Variants in PLEKHG1 observed in about 807,000 individuals in gnomAD.
The protein encoded by PLEKHG1 is pleckstrin homology domain-containing family G member 1.
In PLEKHG1, 44 loss-of-function variants were observed where a neutral mutation model predicts 100.8. The ratio of observed to expected loss-of-function variants is 0.44; its 90% CI spans 0.34 to 0.56. PLEKHG1 has a LOEUF of 0.56. Ranked by LOEUF, PLEKHG1 falls within the 20% of genes least tolerant of loss-of-function variation. PLEKHG1 has a pLI of 0.01. For missense variants in PLEKHG1, 1,545 were observed against 1,720.9 expected, an observed-to-expected ratio of 0.90 and a Z score of 1.81; for synonymous variants, 640 against 662.5, an observed-to-expected ratio of 0.97 and a Z score of 0.52.
exon 16 of PLEKHG1, chr6:150,840,103 A>T (rs1777441744): frequency 6.2e-7 from 1 of 1,614,120 alleles, no homozygotes; most frequent in African/African-American, 1.3e-5. Context: ...ACTCCCAGGC[A>T]ATTGTCCGCA....
intron 2 of PLEKHG1, among the ~76,000 whole-genome samples, chr6:150,759,373 G>T (rs1166362331): frequency 6.6e-6 from 1 of 152,144 alleles, no homozygotes; most frequent in Admixed American, 6.5e-5. Context: ...GCTGTTTTTG[G>T]TTGGCTCCTA....
chr6:150,832,326 A>G, intron 15 of PLEKHG1, 121 bp downstream of exon 16: 1 of 765,426 alleles, frequency 1.3e-6, no homozygotes, highest in East Asian at 2.6e-5. Flanking sequence ...TTGTCATCTC[A>G]AAGTAAGACC....
At chr6:150,613,252 AAAG>A (rs1228352914) in intron 1 of PLEKHG1, among the ~76,000 whole-genome samples, 1 of 152,222 alleles carries the variant, frequency 6.6e-6, no homozygotes, top group African/African-American at 2.4e-5. Context: ...TCCCCTTATC[AAAG>A]AAGTCCTACT....
intron 6 of PLEKHG1, among the ~76,000 whole-genome samples, chr6:150,801,523 C>A (rs796082254): frequency 2.0e-5 from 3 of 150,958 alleles, no homozygotes; most frequent in African/African-American, 7.3e-5. Flanking sequence ...CTGCAACCTC[C>A]GCCTCCTGGG....
intron 3 of PLEKHG1, among the ~76,000 whole-genome samples, chr6:150,714,039 A>T (rs1237080008): frequency 6.6e-6 from 1 of 152,222 alleles, no homozygotes; most frequent in Non-Finnish European, 1.5e-5. Flanking sequence ...TACATTTTTT[A>T]GAGTGTTTCA....
intron 3 of PLEKHG1, among the ~76,000 whole-genome samples, chr6:150,673,258 A>G (rs9478778): frequency 0.085 from 12,868 of 152,236 alleles, 592 homozygotes; most frequent in Admixed American, 0.1. Context: ...CTTCCTTCTA[A>G]TAAAAGATTT....
chr6:150,830,836 A>G (rs747419938), exon 15 of PLEKHG1: 7 of 1,614,052 alleles, frequency 4.3e-6, no homozygotes, highest in Non-Finnish European at 5.9e-6. Context: ...ACTCTACCAG[A>G]CTATGTGAAG....
At chr6:150,790,128 C>A (rs1785883630) in intron 4 of PLEKHG1, among the ~76,000 whole-genome samples, 1 of 152,276 alleles carries the variant, frequency 6.6e-6, no homozygotes, top group Admixed American at 6.5e-5. Flanking sequence ...TCAAGCAATT[C>A]TCCTGCCTCC....
chr6:150,800,722 C>T lies in PLEKHG1; in HGVS notation c.633C>T (p.Ser211=), dbSNP rs140935546. The change falls in exon 6 of 16, where the codon TCC becomes TCT. Residue 211 remains serine (S), a synonymous_variant. Coordinates refer to ENST00000358517, the Ensembl canonical transcript of PLEKHG1. Reference sequence around the variant, plus strand: ...AAAACATGGACTCTTCCTGCAGGTCCGTGGCTGTGCTAACAGAGTGTATGA... The same window carrying T: ...AAAACATGGACTCTTCCTGCAGGTCTGTGGCTGTGCTAACAGAGTGTATGA... The T allele has an allele frequency of 9.8e-4, 1,579 of 1,613,464 alleles. 14 individuals are homozygous for T. In the African/African-American group the frequency reaches 0.015, roughly 15 times the overall value.
chr6:150,673,735 A>G (rs1275115875), intron 3 of PLEKHG1, among the ~76,000 whole-genome samples: 1 of 150,892 alleles, frequency 6.6e-6, no homozygotes, highest in East Asian at 1.9e-4. Context: ...ATCACGACTC[A>G]CTGCAGCCTC....
At position 150,811,041 on chromosome 6, in the gene PLEKHG1, A is replaced by G. The variant is rs117512021; in HGVS notation, c.1278+1307A>G. Among the ~76,000 whole-genome samples, 1,446 of 152,286 alleles carry G rather than the reference A, an allele frequency of 9.5e-3. 10 individuals are homozygous for G. The highest frequency in any genetic ancestry group is 0.013 in the Non-Finnish European group (871 of 68,024). Reference sequence around the variant, plus strand: ...TTATTCAAAGGTGCATGAAGCACCTATGGGTGTAAAGCTGTGCTGGGTCCC... The same window carrying G: ...TTATTCAAAGGTGCATGAAGCACCTGTGGGTGTAAAGCTGTGCTGGGTCCC... On this transcript the variant is annotated intron_variant, in intron 10 of 15. Transcript: ENST00000358517.
intron 3 of PLEKHG1, among the ~76,000 whole-genome samples, chr6:150,693,641 A>G (rs1780429075): frequency 6.6e-6 from 1 of 152,150 alleles, no homozygotes; most frequent in Admixed American, 6.5e-5. Flanking sequence ...GTTCTCCAAC[A>G]CTTGGCTGCT....
chr6:150,836,465 A>T (rs112174304), intron 15 of PLEKHG1, among the ~76,000 whole-genome samples: 2,138 of 152,228 alleles, frequency 0.014, 46 homozygotes, highest in African/African-American at 0.049. Context: ...TTCTGTCTAA[A>T]CCATGCTAGG....
chr6:150,611,811 C>CAAAAAAAAAAAAAAAAAAAA (rs35351890), intron 1 of PLEKHG1, among the ~76,000 whole-genome samples: 1 of 121,584 alleles, frequency 8.2e-6, no homozygotes, highest in Admixed American at 8.2e-5. Context: ...GACTCCATCT[C>CAAAAAAAAAAAAAAAAAAAA]AAAAAAAAAA....
chr6:150,750,371 G>A (rs1219627094), intron 2 of PLEKHG1, among the ~76,000 whole-genome samples: 2 of 152,186 alleles, frequency 1.3e-5, no homozygotes, highest in Non-Finnish European at 1.5e-5. Context: ...GCTGCACCCT[G>A]GGCTAGCGAA....
chr6:150,790,446 C>G (rs1424608503), intron 4 of PLEKHG1, among the ~76,000 whole-genome samples: 1 of 152,154 alleles, frequency 6.6e-6, no homozygotes. Flanking sequence ...CATGGGGAAA[C>G]AGACACTCAT....
intron 3 of PLEKHG1, among the ~76,000 whole-genome samples, chr6:150,657,523 A>G (rs1232364733): frequency 6.6e-6 from 1 of 152,206 alleles, no homozygotes; most frequent in Non-Finnish European, 1.5e-5. Flanking sequence ...TTTCGACTTG[A>G]CCTGTCATTT....
chr6:150,678,534 T>G (rs1017387084), intron 3 of PLEKHG1, among the ~76,000 whole-genome samples: 1 of 152,190 alleles, frequency 6.6e-6, no homozygotes, highest in African/African-American at 2.4e-5. Flanking sequence ...CTAATCTAAC[T>G]GATGTAAATA....
intron 3 of PLEKHG1, among the ~76,000 whole-genome samples, chr6:150,678,306 A>T (rs1779831194): frequency 6.6e-6 from 1 of 151,784 alleles, no homozygotes; most frequent in Non-Finnish European, 1.5e-5. Flanking sequence ...AGGCCCCTCC[A>T]CCATAGCTGA....
Sources: allele counts gnomAD v4.1 joint callset (sites outside exome capture counted in the v4.1 genomes callset), GRCh38; gene constraint gnomAD v4.1.1; transcripts MANE v1.5; gene names NCBI Gene and HGNC (gene_info 2026-07-23, HGNC 2026-07-21).